GRIN2B: variants seen among roughly 807,000 people sequenced by gnomAD.
GRIN2B encodes glutamate ionotropic receptor NMDA type subunit 2B.
GRIN2B carries 5 observed loss-of-function variants against 114.5 expected under a neutral mutation model. That is an observed-to-expected ratio of 0.04 (90% CI 0.02 to 0.09). The LOEUF (loss-of-function observed/expected upper bound fraction) is 0.09. GRIN2B is among the 10% of genes least tolerant of loss of function. GRIN2B has a pLI of 1.00. For synonymous variants in GRIN2B, 787 were observed against 745.1 expected (o/e 1.06, Z -0.92); for missense variants, 1,108 against 1,943.5 (o/e 0.57, Z 8.08).
chr12:13,569,615 G>GAGACA (rs1336025339), intron 12 of GRIN2B, among the ~76,000 whole-genome samples: 1 of 152,210 alleles, frequency 6.6e-6, no homozygotes, highest in African/African-American at 2.4e-5. Context: ...CTGGAAATGT[G>GAGACA]AGACAAGACA....
Position 13,608,657 on chromosome 12 carries a change from G to A in GRIN2B, c.1956C>T (p.Ala652=). ...CCACATATTCCTCTTGGATCATGAAGGCAGCTAAGTTGGCAGTGTAGCTGG... is the reference window on the plus strand; with the variant it reads ...CCACATATTCCTCTTGGATCATGAAAGCAGCTAAGTTGGCAGTGTAGCTGG... ...FLASYTANLA[A]FMIQEEYVDQ... The change falls in exon 10 of 14, where the codon GCC becomes GCT. Residue 652 remains alanine, a synonymous_variant. Coordinates refer to ENST00000609686, the MANE Select transcript of GRIN2B (RefSeq NM_000834.5). 1 of 1,614,146 alleles carries A rather than the reference G, an allele frequency of 6.2e-7. No homozygotes were observed. The highest frequency in any genetic ancestry group is 1.1e-5 in the South Asian group (1 of 91,084).
intron 3 of GRIN2B, among the ~76,000 whole-genome samples, chr12:13,808,513 T>A (rs1031843910): frequency 2.0e-5 from 3 of 151,142 alleles, no homozygotes; most frequent in Non-Finnish European, 2.9e-5. Context: ...ACAAAGGACA[T>A]GAACTTCACT....
intron 2 of GRIN2B, among the ~76,000 whole-genome samples, chr12:13,974,768 C>T (rs73059694): frequency 0.016 from 2,361 of 152,058 alleles, 28 homozygotes; most frequent in Non-Finnish European, 0.022. Context: ...ACCACTAGAT[C>T]CTGGCAGGTA....
At chr12:13,792,111 G>A (rs916442643) in intron 3 of GRIN2B, among the ~76,000 whole-genome samples, 8 of 152,196 alleles carry the variant, frequency 5.3e-5, no homozygotes, top group Non-Finnish European at 7.3e-5. Context: ...AATGTCTGCC[G>A]TGACTGATGG....
In GRIN2B at chr12:13,553,711, A is replaced by G. The variant is rs950024428; in HGVS notation, c.*9072T>C. ...AAATATTGGATCACAGATCAGTCCC[A>G]GCATGGATCAGGTTATTAGAGACTC... On this transcript the variant is annotated 3_prime_UTR_variant, in exon 14 of 14. Coordinates refer to ENST00000609686, the MANE Select transcript of GRIN2B (RefSeq NM_000834.5). 6.6e-6 allele frequency: 1 copy of G among 152,208 alleles called. No individual in the cohort carries two copies. The highest frequency in any genetic ancestry group is 1.5e-5 in the Non-Finnish European group (1 of 68,030). 9.4% of individuals were successfully genotyped at this position (152,208 alleles called of 1,614,324 possible). A position where few individuals can be genotyped will look rare whatever the true frequency, so the allele number is the denominator to read the frequency against.
chr12:13,628,143 G>A (rs866450263), intron 5 of GRIN2B, among the ~76,000 whole-genome samples: 1 of 152,196 alleles, frequency 6.6e-6, no homozygotes, highest in Admixed American at 6.5e-5. Flanking sequence ...TCTAATAAAT[G>A]ATGCTGATCT....
chr12:13,789,306 C>T, intron 3 of GRIN2B, among the ~76,000 whole-genome samples: 1 of 152,288 alleles, frequency 6.6e-6, no homozygotes, highest in South Asian at 2.1e-4. Flanking sequence ...GCAATAACTG[C>T]AAAAGCATGT....
In GRIN2B at chr12:13,796,451, G is replaced by A. The variant is rs569154524; in HGVS notation, c.412-42536C>T. Among the ~76,000 whole-genome samples, 9 of 152,328 alleles carry A rather than the reference G, an allele frequency of 5.9e-5. No individual in the cohort carries two copies. In the East Asian group the frequency reaches 1.7e-3, roughly 29 times the overall value. Reference sequence around the variant, plus strand: ...AATTGGGACCGCAAGGCACAGGCATGATCAACTATAGCTTGGGTTTACAAA... The same window carrying A: ...AATTGGGACCGCAAGGCACAGGCATAATCAACTATAGCTTGGGTTTACAAA... On this transcript the variant is annotated intron_variant, in intron 3 of 13. Transcript: ENST00000609686.
At chr12:13,872,548 T>C (rs889029473) in intron 2 of GRIN2B, among the ~76,000 whole-genome samples, 2 of 152,032 alleles carry the variant, frequency 1.3e-5, no homozygotes, top group Non-Finnish European at 2.9e-5. Context: ...ATATCTGAAA[T>C]GCAAGAATGG....
At chr12:13,850,334 T>C (rs545914634) in intron 3 of GRIN2B, among the ~76,000 whole-genome samples, 1 of 152,038 alleles carries the variant, frequency 6.6e-6, no homozygotes, top group Admixed American at 6.6e-5. Flanking sequence ...CAGAAAAAAA[T>C]TCCCCCAATC....
intron 3 of GRIN2B, among the ~76,000 whole-genome samples, 156 bp downstream of exon 3, chr12:13,865,642 G>C (rs1233196939): frequency 4.0e-5 from 6 of 151,740 alleles, no homozygotes; most frequent in African/African-American, 7.3e-5. Context: ...CAAAGAGAGA[G>C]AGAGAAAAAA....
At chr12:13,919,110 A>G (rs1229110529) in intron 2 of GRIN2B, among the ~76,000 whole-genome samples, 1 of 152,198 alleles carries the variant, frequency 6.6e-6, no homozygotes, top group Non-Finnish European at 1.5e-5. Context: ...CAAAAGCTCT[A>G]CATTTATCTG....
chr12:13,591,109 C>A (rs919116518), intron 10 of GRIN2B, among the ~76,000 whole-genome samples: 2 of 152,264 alleles, frequency 1.3e-5, no homozygotes, highest in African/African-American at 2.4e-5. Context: ...CACTGCAACT[C>A]GCCTGCTGCC....
At chr12:13,824,042 T>C (rs1006402085) in intron 3 of GRIN2B, among the ~76,000 whole-genome samples, 2 of 152,224 alleles carry the variant, frequency 1.3e-5, no homozygotes, top group African/African-American at 4.8e-5. Flanking sequence ...CATTAACTAA[T>C]GTTTTTTGAA....
chr12:13,617,875 G>A (rs1591644364), intron 5 of GRIN2B, among the ~76,000 whole-genome samples: 1 of 152,168 alleles, frequency 6.6e-6, no homozygotes, highest in African/African-American at 2.4e-5. Context: ...CTCCTTCTTG[G>A]TTTCTTTGTC....
intron 5 of GRIN2B, 108 bp from the exon 6 acceptor site, chr12:13,616,765 C>T: frequency 1.2e-6 from 1 of 832,616 alleles, no homozygotes; most frequent in Non-Finnish European, 2.1e-6. Context: ...CAAAAGCCAA[C>T]AAGTGCCAAC....
At chr12:13,875,845 T>C (rs908021843) in intron 2 of GRIN2B, among the ~76,000 whole-genome samples, 2 of 152,222 alleles carry the variant, frequency 1.3e-5, no homozygotes, top group African/African-American at 4.8e-5. Flanking sequence ...ATTCATTTGA[T>C]AAATGTTTGT....
chr12:13,598,526 G>A (rs1370122016), intron 10 of GRIN2B, among the ~76,000 whole-genome samples: 3 of 152,060 alleles, frequency 2.0e-5, no homozygotes, highest in Non-Finnish European at 2.9e-5. Context: ...AACTGCAGGG[G>A]GTGGATACCA....
At chr12:13,690,280 TCACACCA>T (rs1565501336) in intron 4 of GRIN2B, among the ~76,000 whole-genome samples, 1 of 99,028 alleles carries the variant, frequency 1.0e-5, no homozygotes, top group Non-Finnish European at 2.0e-5. Flanking sequence ...CCCTTCTATG[TCACACCA>T]CACACACACA....
Sources: gnomAD v4.1 joint callset for allele counts (sites outside exome capture counted in the v4.1 genomes callset) on GRCh38, gnomAD v4.1.1 for gene constraint, MANE v1.5 for transcripts, NCBI Gene and HGNC (gene_info 2026-07-23, HGNC 2026-07-21) for gene names.